Variants in SOS2 observed in about 807,000 individuals in gnomAD.
SOS2 encodes the protein son of sevenless homolog 2.
In SOS2, 65 loss-of-function variants were observed where a neutral mutation model predicts 148.2. That is an observed-to-expected ratio of 0.44 (90% CI 0.36 to 0.54). The LOEUF (loss-of-function observed/expected upper bound fraction) is 0.54, where lower values mean the gene tolerates loss of function less well. Among genes scored for constraint, SOS2 ranks in the 20% least tolerant of loss-of-function variants. The pLI is 0.00. For missense variants in SOS2, 1,341 were observed against 1,590.2 expected, an observed-to-expected ratio of 0.84 and a Z score of 2.67; for synonymous variants, 539 against 537.1, an observed-to-expected ratio of 1.00 and a Z score of -0.05.
At position 50,180,589 on chromosome 14, in the gene SOS2, C is replaced by G; in HGVS notation, c.952G>C (p.Val318Leu). The G allele has an allele frequency of 6.8e-7, 1 of 1,481,264 alleles. No individual in the cohort carries two copies. Among genetic ancestry groups the G allele is most frequent in the East Asian group, 2.4e-5 (1 of 42,272 alleles). The allele number at this position is 1,481,264 out of a possible 1,614,324, so 91.8% of individuals were successfully genotyped here. Residue 318 changes from valine to leucine, a missense_variant, in exon 7 of 23, where the codon GTT becomes CTT. By Grantham distance (32) the Val-to-Leu change is conservative. Coordinates refer to ENST00000216373, the MANE Select transcript of SOS2 (RefSeq NM_006939.4). ...HFNKLMARPA[V>L]ALHFQSIADG... is the part of the protein sequence containing the mutation. ...AAGTTTACCTGAAAGTGTAGAGCAA[C>G]TGCAGGTCTGGCCATCAATTTATTG...
chr14:50,216,574 C>G (rs139466552), intron 1 of SOS2, among the ~76,000 whole-genome samples: 5,861 of 151,724 alleles, frequency 0.039, 241 homozygotes, highest in Admixed American at 0.12. Flanking sequence ...GGCTGGCCAA[C>G]ATGGTGAAAC....
At chr14:50,214,027 T>A (rs1422866292) in intron 1 of SOS2, among the ~76,000 whole-genome samples, 2 of 152,000 alleles carry the variant, frequency 1.3e-5, no homozygotes, top group Non-Finnish European at 2.9e-5. Flanking sequence ...AATATAGAAG[T>A]AAATAAATCA....
intron 21 of SOS2, among the ~76,000 whole-genome samples, chr14:50,123,996 G>A (rs1232037693): frequency 1.3e-5 from 2 of 152,188 alleles, no homozygotes; most frequent in African/African-American, 4.8e-5. Flanking sequence ...CTGGATGCTT[G>A]TAATTAGAAT....
At chr14:50,179,320 T>C (rs1324565531) in intron 7 of SOS2, among the ~76,000 whole-genome samples, 2 of 152,158 alleles carry the variant, frequency 1.3e-5, no homozygotes, top group African/African-American at 4.8e-5. Context: ...TGTTTGCTTG[T>C]TTGTTTCAGG....
At chr14:50,212,193 A>G (rs537037891) in intron 1 of SOS2, among the ~76,000 whole-genome samples, 9 of 152,252 alleles carry the variant, frequency 5.9e-5, no homozygotes, top group Non-Finnish European at 1.0e-4. Flanking sequence ...AAATCAAAAC[A>G]GGCCAGGCGC....
rs546320455 is a variant in SOS2 at position 50,158,244 on chromosome 14, T to C, written c.1934+321A>G. ...GTAGTCTACGGTCCAAAAAAAAAAATAGTGGTAAGTAGAAAAGTCTCTTTT... is the reference window on the plus strand; with the variant it reads ...GTAGTCTACGGTCCAAAAAAAAAAACAGTGGTAAGTAGAAAAGTCTCTTTT... On this transcript the variant is annotated intron_variant, in intron 11 of 22. Coordinates refer to ENST00000216373, the MANE Select transcript of SOS2 (RefSeq NM_006939.4). 7.9e-5 allele frequency among the ~76,000 whole-genome samples: 12 copies of C among 151,868 alleles called. 1 individual carries two copies. Among genetic ancestry groups the C allele is most frequent in the East Asian group, 1.9e-4 (1 of 5,184 alleles).
At chr14:50,195,626 TG>T (rs1886288999) in intron 4 of SOS2, among the ~76,000 whole-genome samples, 1 of 152,032 alleles carries the variant, frequency 6.6e-6, no homozygotes, top group South Asian at 2.1e-4. Context: ...CTGGGCATGG[TG>T]GCAGGCACCT....
At chr14:50,224,333 A>G (rs1320433758) in intron 1 of SOS2, among the ~76,000 whole-genome samples, 8 of 145,196 alleles carry the variant, frequency 5.5e-5, no homozygotes, top group Admixed American at 2.1e-4. Context: ...ACACACACAC[A>G]CACACACACA....
chr14:50,160,595 C>T (rs902544240), intron 9 of SOS2, among the ~76,000 whole-genome samples: 1 of 151,914 alleles, frequency 6.6e-6, no homozygotes, highest in African/African-American at 2.4e-5. Context: ...CCATGTTGGC[C>T]AGGCTGGTCT....
At chr14:50,212,389 G>A (rs1470636548) in intron 1 of SOS2, among the ~76,000 whole-genome samples, 3 of 152,150 alleles carry the variant, frequency 2.0e-5, no homozygotes, top group African/African-American at 7.2e-5. Context: ...CAGGAGAATC[G>A]CTTGAACCCA....
chr14:50,191,015 G>A (rs1021166793), intron 4 of SOS2, among the ~76,000 whole-genome samples: 1 of 152,080 alleles, frequency 6.6e-6, no homozygotes, highest in Non-Finnish European at 1.5e-5. Flanking sequence ...CTTGCTAGCT[G>A]TAACTTCTTG....
chr14:50,148,788 A>T (rs569869021), intron 14 of SOS2, among the ~76,000 whole-genome samples: 45 of 152,384 alleles, frequency 3.0e-4, no homozygotes, highest in Non-Finnish European at 5.3e-4. Context: ...AACATAATGT[A>T]GTAAAGGTAC....
intron 7 of SOS2, among the ~76,000 whole-genome samples, chr14:50,175,063 T>A (rs1885479234): frequency 2.8e-5 from 1 of 36,192 alleles, no homozygotes; most frequent in South Asian, 4.7e-4. Context: ...AACAGCAACA[T>A]CAGCTCAGTT....
intron 8 of SOS2, among the ~76,000 whole-genome samples, chr14:50,166,826 T>C (rs999211335): frequency 6.6e-6 from 1 of 152,190 alleles, no homozygotes; most frequent in African/African-American, 2.4e-5. Context: ...AAATAAAACA[T>C]GTAATCAATT....
At chr14:50,123,027 A>T (rs777231771) in intron 21 of SOS2, among the ~76,000 whole-genome samples, 67 of 152,178 alleles carry the variant, frequency 4.4e-4, no homozygotes, top group Non-Finnish European at 8.5e-4. Context: ...AAGTAAAAGT[A>T]TGATGCCTAT....
At chr14:50,131,002 T>C (rs186277850) in intron 19 of SOS2, among the ~76,000 whole-genome samples, 1 of 152,196 alleles carries the variant, frequency 6.6e-6, no homozygotes, top group Non-Finnish European at 1.5e-5. Flanking sequence ...GAAATAAAAT[T>C]CTTGAAATTT....
rs139223756 is a variant in SOS2, at chr14:50,180,531, AT to A, written c.969+40del. The A allele has an allele frequency of 0.29, 155,106 of 538,690 alleles. 9,280 individuals are homozygous for A. The highest frequency in any genetic ancestry group is 0.42 in the East Asian group (12,094 of 28,562). 33.4% of individuals were successfully genotyped at this position (538,690 alleles called of 1,614,324 possible). The stretch of plus-strand genomic sequence containing the variant: ...AAATAGTGAGATATTTATTTGCTTT[AT>A]TAAAAAAAAAAAAAAAAAAAACCTT... On this transcript the variant is annotated intron_variant, in intron 7 of 22. Transcript: ENST00000216373.
At chr14:50,144,017 C>T (rs1884382580) in intron 16 of SOS2, among the ~76,000 whole-genome samples, 1 of 152,008 alleles carries the variant, frequency 6.6e-6, no homozygotes, top group South Asian at 2.1e-4. Context: ...TGCTACGAAA[C>T]ACCTTGGCAA....
At position 50,120,387 on chromosome 14, in the gene SOS2, G is replaced by A. The variant is rs1436923161; in HGVS notation, c.3380-3C>T. ...ACCACATGAACTAAAGAAAGACTCTGGGGGAGAAAAAGACTAGTTTAACCA... is the reference window on the plus strand; with the variant it reads ...ACCACATGAACTAAAGAAAGACTCTAGGGGAGAAAAAGACTAGTTTAACCA... On this transcript the variant is annotated splice_polypyrimidine_tract_variant and splice_region_variant and intron_variant, in intron 21 of 22. Transcript: ENST00000216373. 6.9e-7 allele frequency: 1 copy of A among 1,447,844 alleles called. No homozygotes were observed. The allele number at this position is 1,447,844 out of a possible 1,614,324, so 89.7% of individuals were successfully genotyped here.
Sources: gnomAD v4.1 joint callset for allele counts (sites outside exome capture counted in the v4.1 genomes callset) on GRCh38, gnomAD v4.1.1 for gene constraint, MANE v1.5 for transcripts, NCBI Gene and HGNC (gene_info 2026-07-23, HGNC 2026-07-21) for gene names.